The following ARL8A variants were observed in gnomAD, a reference collection of about 807,000 sequenced individuals.
The protein encoded by ARL8A is ARF like GTPase 8A.
Under a neutral mutation model 31.2 loss-of-function variants are expected in ARL8A, and 10 were observed. That is an observed-to-expected ratio of 0.32 (90% CI 0.20 to 0.54). The LOEUF is 0.54. Among genes scored for constraint, ARL8A ranks in the 20% least tolerant of loss-of-function variants. The pLI, the probability that ARL8A is intolerant of heterozygous loss-of-function variation, is 0.93. For missense variants in ARL8A, 129 were observed against 242.8 expected (o/e 0.53, Z 3.12); for synonymous variants, 70 against 86.9 (o/e 0.81, Z 1.08).
In ARL8A at chr1:202,135,078, C is replaced by A; in HGVS notation, c.511+72G>T. 1 of 1,460,658 alleles carries A rather than the reference C, an allele frequency of 6.8e-7. No homozygotes were observed. Among genetic ancestry groups the A allele is most frequent in the Non-Finnish European group, 9.6e-7 (1 of 1,044,238 alleles). The allele number at this position is 1,460,658 out of a possible 1,614,324, so 90.5% of individuals were successfully genotyped here. On this transcript the variant is annotated intron_variant, in intron 6 of 6. Coordinates refer to ENST00000272217, the MANE Select transcript of ARL8A (RefSeq NM_138795.4). The surrounding 1 kb of genome is among the most constrained non-coding windows in gnomAD (Gnocchi z 5.3). ...TTGGACTTCAGGGAAAGTTGTGGAG[C>A]GAGAACCTGAGAGCCACTAAAACAC...
At position 202,144,054 on chromosome 1, in the gene ARL8A, C is replaced by A. The variant is rs1655236102; in HGVS notation, c.123+396G>T. Among the ~76,000 whole-genome samples, 1 of 152,196 alleles carries A rather than the reference C, an allele frequency of 6.6e-6. No homozygotes were observed. Among genetic ancestry groups the A allele is most frequent in the African/African-American group, 2.4e-5 (1 of 41,468 alleles). ...GCCCCGTCCCGTGACCCTCTACCCG[C>A]GGGACAGGAAGGCCCGTGCACTTTC... On this transcript the variant is annotated intron_variant, in intron 1 of 6. Transcript: ENST00000272217. The surrounding 1 kb of genome is among the most constrained non-coding windows in gnomAD (Gnocchi z 5.2).
rs932803525 is a variant in ARL8A, at chr1:202,135,414, G to A, written c.440+45C>T. 6.3e-7 allele frequency: 1 copy of A among 1,595,010 alleles called. No homozygotes were observed. The highest frequency in any genetic ancestry group is 1.3e-5 in the African/African-American group (1 of 74,464). ...AGCCTAGGCTGTTGGTCTGGTGGTT[G>A]GGGAATTGGGAGAGCAGAAAGTAAT... On this transcript the variant is annotated intron_variant, in intron 5 of 6. Transcript: ENST00000272217. This position sits in a 1 kb window ranked among gnomAD's most constrained non-coding sequence, Gnocchi z 5.3.
At chr1:202,137,862 G>C in intron 3 of ARL8A, 103 bp downstream of exon 3, 1 of 1,276,792 alleles carries the variant, frequency 7.8e-7, no homozygotes, top group Non-Finnish European at 1.1e-6. Context: ...CATGAACCAA[G>C]GATTATGTCT....
intron 1 of ARL8A, among the ~76,000 whole-genome samples, chr1:202,143,516 C>A (rs565703182): frequency 3.0e-4 from 45 of 152,332 alleles, no homozygotes; most frequent in Non-Finnish European, 6.0e-4. Context: ...TTCCTCGACC[C>A]ACAAGCCCTG....
At chr1:202,141,480 A>G (rs1051744182) in intron 1 of ARL8A, among the ~76,000 whole-genome samples, 33 of 151,824 alleles carry the variant, frequency 2.2e-4, no homozygotes, top group African/African-American at 7.5e-4. Flanking sequence ...CATCTCTACT[A>G]AAAATACAAA....
In ARL8A at chr1:202,135,010, C is replaced by A; in HGVS notation, c.511+140G>T. The A allele has an allele frequency of 2.6e-6, 2 of 781,840 alleles. No individual in the cohort carries two copies. The highest frequency in any genetic ancestry group is 4.2e-6 in the Non-Finnish European group (2 of 472,518). 48.4% of individuals were successfully genotyped at this position (781,840 alleles called of 1,614,324 possible). On this transcript the variant is annotated intron_variant, in intron 6 of 6. Coordinates refer to ENST00000272217, the MANE Select transcript of ARL8A (RefSeq NM_138795.4). This position sits in a 1 kb window ranked among gnomAD's most constrained non-coding sequence, Gnocchi z 5.3. ...GACAAGCTGGGATAGTGCCCAGAAT[C>A]TGGGCCACCTGGCTGCCTTTTCTAC...
intron 3 of ARL8A, among the ~76,000 whole-genome samples, chr1:202,137,250 T>C (rs1655035906): frequency 6.6e-6 from 1 of 152,114 alleles, no homozygotes; most frequent in South Asian, 2.1e-4. Flanking sequence ...CCTAAACTCC[T>C]GGGCTCAAGC....
intron 3 of ARL8A, among the ~76,000 whole-genome samples, chr1:202,137,315 G>C (rs1367320018): frequency 6.6e-6 from 1 of 152,056 alleles, no homozygotes; most frequent in Non-Finnish European, 1.5e-5. Context: ...GTGGCACCAT[G>C]CTCAGCCAAA....
At position 202,138,375 on chromosome 1, in the gene ARL8A, G is replaced by A. The variant is rs754303635; in HGVS notation, c.197C>T (p.Thr66Ile). 6.2e-7 allele frequency: 1 copy of A among 1,613,448 alleles called. No homozygotes were observed. Among genetic ancestry groups the A allele is most frequent in the South Asian group, 1.1e-5 (1 of 91,052 alleles). Residue 66 changes from threonine (T) to isoleucine (I), a missense_variant, in exon 2 of 7, where the codon ACT becomes ATT. Coordinates refer to ENST00000272217, the MANE Select transcript of ARL8A (RefSeq NM_138795.4). The surrounding 1 kb of genome is among the most constrained non-coding windows in gnomAD (Gnocchi z 4.4). ...AAGCTTCTGGGCCCTCACCTTGATA[G>A]TCACATTCCCTTTGGTGATTTTGCG... ...NMRKITKGNV[T>I]IKLWDIGGQP... is the part of the protein sequence containing the mutation.
intron 1 of ARL8A, among the ~76,000 whole-genome samples, chr1:202,139,632 CTTTTTTTTTTTT>C (rs71141457): frequency 2.8e-4 from 14 of 50,570 alleles, no homozygotes; most frequent in East Asian, 7.5e-4. Flanking sequence ...AGCCCTGTTC[CTTTTTTTTTTTT>C]TTTTTTTTTT....
chr1:202,139,402 T>A (rs886211193), intron 1 of ARL8A, among the ~76,000 whole-genome samples: 1 of 151,958 alleles, frequency 6.6e-6, no homozygotes, highest in African/African-American at 2.4e-5. Context: ...TGAAACCCCA[T>A]CTCTACTAAA....
chr1:202,136,707 C>G (rs1333924773), intron 3 of ARL8A, among the ~76,000 whole-genome samples: 1 of 152,168 alleles, frequency 6.6e-6, no homozygotes, highest in Admixed American at 6.5e-5. Context: ...GTAGCTGGGA[C>G]TACAGGTGCG....
At position 202,134,576 on chromosome 1, in the gene ARL8A, C is replaced by G; in HGVS notation, c.512-60G>C. Reference sequence around the variant, plus strand: ...GCAAGTACTGGCCGTGCTGGGGCAGCAGAGAGGCCCAAGAAACCAAACCTA... The same window carrying G: ...GCAAGTACTGGCCGTGCTGGGGCAGGAGAGAGGCCCAAGAAACCAAACCTA... On this transcript the variant is annotated intron_variant, in intron 6 of 6. Transcript: ENST00000272217. The surrounding 1 kb of genome is among the most constrained non-coding windows in gnomAD (Gnocchi z 4.2). The G allele has an allele frequency of 6.6e-7, 1 of 1,511,716 alleles. No individual in the cohort carries two copies. The highest frequency in any genetic ancestry group is 9.2e-7 in the Non-Finnish European group (1 of 1,086,978). 93.6% of individuals were successfully genotyped at this position (1,511,716 alleles called of 1,614,324 possible). A position where few individuals can be genotyped will look rare whatever the true frequency, so the allele number is the denominator to read the frequency against.
In ARL8A at chr1:202,144,602, A is replaced by T; in HGVS notation, c.-30T>A. 1 of 1,386,384 alleles carries T rather than the reference A, an allele frequency of 7.2e-7. No individual in the cohort carries two copies. The highest frequency in any genetic ancestry group is 9.6e-7 in the Non-Finnish European group (1 of 1,046,952). The allele number at this position is 1,386,384 out of a possible 1,614,324, so 85.9% of individuals were successfully genotyped here. On this transcript the variant is annotated 5_prime_UTR_variant, in exon 1 of 7. Transcript: ENST00000272217. The surrounding 1 kb of genome is among the most constrained non-coding windows in gnomAD (Gnocchi z 5.2). ...GCTGCCGCCGGCCCCGCCCGGTGCC[A>T]GGTCCCCGCCGCCCCTCGCTGCCCT...
chr1:202,141,943 C>T (rs922447045), intron 1 of ARL8A, among the ~76,000 whole-genome samples: 5 of 152,136 alleles, frequency 3.3e-5, no homozygotes, highest in Non-Finnish European at 7.4e-5. Context: ...TCTTAACTCA[C>T]TGCAGCCTCC....
intron 1 of ARL8A, among the ~76,000 whole-genome samples, chr1:202,139,310 C>T (rs939339292): frequency 6.6e-6 from 1 of 152,162 alleles, no homozygotes; most frequent in African/African-American, 2.4e-5. Flanking sequence ...CGCGATGGCT[C>T]ACACCTGTAA....
Position 202,135,479 on chromosome 1 carries a change from C to G in ARL8A, c.420G>C (p.Glu140Asp). ...NKRDLPGALD[E>D]KELIEKMNLS... ...CTCACATTTTCTCAATCAGCTCCTT[C>G]TCATCCAATGCTCCCGGAAGGTCTC... Residue 140 changes from glutamate (E) to aspartate (D), a missense_variant, in exon 5 of 7, where the codon GAG becomes GAC. Glu to Asp is a conservative substitution (Grantham distance 45, BLOSUM62 2). Coordinates refer to ENST00000272217, the MANE Select transcript of ARL8A (RefSeq NM_138795.4). The surrounding 1 kb of genome is among the most constrained non-coding windows in gnomAD (Gnocchi z 5.3). The G allele has an allele frequency of 1.2e-6, 2 of 1,614,180 alleles. No individual in the cohort carries two copies. Among genetic ancestry groups the G allele is most frequent in the Non-Finnish European group, 1.7e-6 (2 of 1,180,032 alleles).
chr1:202,138,222 T>A lies in ARL8A; in HGVS notation c.204+146A>T. On this transcript the variant is annotated intron_variant, in intron 2 of 6. Coordinates refer to ENST00000272217, the MANE Select transcript of ARL8A (RefSeq NM_138795.4). The surrounding 1 kb of genome is among the most constrained non-coding windows in gnomAD (Gnocchi z 4.4). ...AAGTCTTCTACTGTCTTTTCCCAGC[T>A]CCTCAGCAGGGGGACCCTGGCCTCT... is the stretch of plus-strand genomic sequence containing the variant. The A allele has an allele frequency of 8.6e-7, 1 of 1,156,400 alleles. No homozygotes were observed. Among genetic ancestry groups the A allele is most frequent in the Non-Finnish European group, 1.2e-6 (1 of 803,094 alleles). 71.6% of individuals were successfully genotyped at this position (1,156,400 alleles called of 1,614,324 possible).
chr1:202,140,985 TG>T (rs1430630256), intron 1 of ARL8A, among the ~76,000 whole-genome samples: 1 of 152,138 alleles, frequency 6.6e-6, no homozygotes, highest in Non-Finnish European at 1.5e-5. Context: ...TGCTTGGAAA[TG>T]GTTTCGATAT....
Sources: allele counts gnomAD v4.1 joint callset (sites outside exome capture counted in the v4.1 genomes callset), GRCh38; gene constraint gnomAD v4.1.1; non-coding constraint Gnocchi (gnomAD v3.1); transcripts MANE v1.5; gene names NCBI Gene and HGNC (gene_info 2026-07-23, HGNC 2026-07-21).